The following AGBL4 variants were observed in gnomAD, a reference collection of about 807,000 sequenced individuals.
AGBL4 encodes cytosolic carboxypeptidase 6.
In AGBL4, 58 loss-of-function variants were observed where a neutral mutation model predicts 66.4. That is an observed-to-expected ratio of 0.87 (90% CI 0.71 to 1.09). The LOEUF (loss-of-function observed/expected upper bound fraction) is 1.09. AGBL4 is among the 50% of genes least tolerant of loss of function. The pLI is 0.00. For synonymous variants in AGBL4, 234 were observed against 222.9 expected (o/e 1.05, Z -0.44); for missense variants, 579 against 631.0 (o/e 0.92, Z 0.88).
chr1:49,311,628 T>A (rs1644943646), intron 3 of AGBL4, among the ~76,000 whole-genome samples: 1 of 152,082 alleles, frequency 6.6e-6, no homozygotes, highest in Non-Finnish European at 1.5e-5. Flanking sequence ...AGGCACTCCA[T>A]GTTCCTGGAT....
chr1:49,248,852 C>A lies in AGBL4; in HGVS notation c.283-2988G>T, dbSNP rs184878322. Among the ~76,000 whole-genome samples the A allele has an allele frequency of 3.3e-5, 5 of 151,672 alleles. No individual in the cohort carries two copies. In the East Asian group the frequency reaches 9.7e-4, roughly 29 times the overall value. ...CTTTCCTTCTTTCTTTTTATTTTTT[C>A]TTTAGATTTAAATTTTTAACCTGAG... On this transcript the variant is annotated intron_variant, in intron 3 of 13. Transcript: ENST00000371839.
chr1:48,791,801 G>A (rs1237450670), intron 6 of AGBL4, among the ~76,000 whole-genome samples: 1 of 152,132 alleles, frequency 6.6e-6, no homozygotes, highest in East Asian at 1.9e-4. Context: ...AGGCACTGGT[G>A]TTCATAAAAC....
At chr1:50,015,710 C>A (rs964148656) in intron 1 of AGBL4, among the ~76,000 whole-genome samples, 5 of 151,906 alleles carry the variant, frequency 3.3e-5, no homozygotes, top group African/African-American at 7.3e-5. Flanking sequence ...ACAAAAAAAA[C>A]AAAGCCAGAG....
chr1:49,495,921 T>A (rs867847496), intron 3 of AGBL4, among the ~76,000 whole-genome samples: 1 of 152,034 alleles, frequency 6.6e-6, no homozygotes, highest in African/African-American at 2.4e-5. Context: ...TATCCTTAAT[T>A]TATTCATCTG....
At chr1:48,759,014 G>C in intron 6 of AGBL4, 20 of 1,614,004 alleles carry the variant, frequency 1.2e-5, no homozygotes, top group Non-Finnish European at 1.7e-5. Context: ...TGTTGTACCA[G>C]CTGCCTCCGA....
intron 1 of AGBL4, among the ~76,000 whole-genome samples, chr1:49,990,869 T>C (rs1659890268): frequency 6.6e-6 from 1 of 152,212 alleles, no homozygotes; most frequent in South Asian, 2.1e-4. Flanking sequence ...CTTTTACTAA[T>C]GTGAATTACA....
intron 3 of AGBL4, among the ~76,000 whole-genome samples, chr1:49,502,146 T>C (rs1227298584): frequency 6.6e-6 from 1 of 152,134 alleles, no homozygotes; most frequent in Non-Finnish European, 1.5e-5. Flanking sequence ...GTCAACTTGA[T>C]TGGATTGAAG....
chr1:49,735,201 C>G (rs1649766078), intron 2 of AGBL4, among the ~76,000 whole-genome samples: 2 of 151,914 alleles, frequency 1.3e-5, no homozygotes, highest in South Asian at 2.1e-4. Context: ...GGTGTGATTA[C>G]AGTAAGACCA....
chr1:48,750,916 C>T (rs1238445576), intron 6 of AGBL4, among the ~76,000 whole-genome samples: 1 of 152,070 alleles, frequency 6.6e-6, no homozygotes, highest in Non-Finnish European at 1.5e-5. Flanking sequence ...CTCAGAGTAC[C>T]CCCTGGAGCA....
At chr1:49,562,008 T>A (rs1644060300) in intron 3 of AGBL4, among the ~76,000 whole-genome samples, 1 of 152,100 alleles carries the variant, frequency 6.6e-6, no homozygotes, top group Admixed American at 6.6e-5. Flanking sequence ...TTCTAACTGG[T>A]GTGAGATGGT....
intron 4 of AGBL4, among the ~76,000 whole-genome samples, chr1:49,190,385 A>T (rs1217290682): frequency 6.6e-6 from 1 of 152,186 alleles, no homozygotes; most frequent in Non-Finnish European, 1.5e-5. Flanking sequence ...CAAGAAAATT[A>T]TGGTTCCCTG....
At chr1:48,634,652 C>T in intron 8 of AGBL4, 48 bp from the exon 9 acceptor site, 1 of 1,358,284 alleles carries the variant, frequency 7.4e-7, no homozygotes, top group Non-Finnish European at 1.0e-6. Context: ...ATAAGCTGAG[C>T]TTCTCACCTG....
chr1:48,592,864 A>G (rs1644939467), intron 9 of AGBL4, among the ~76,000 whole-genome samples: 1 of 148,346 alleles, frequency 6.7e-6, no homozygotes, highest in South Asian at 2.2e-4. Flanking sequence ...AATTTTTTTG[A>G]AAAAAATTAA....
At chr1:49,482,764 A>G (rs1380817832) in intron 3 of AGBL4, among the ~76,000 whole-genome samples, 2 of 152,094 alleles carry the variant, frequency 1.3e-5, no homozygotes, top group Non-Finnish European at 2.9e-5. Context: ...ATTTAGTGCT[A>G]TAAATCATCC....
chr1:49,157,016 T>C (rs576724838), intron 4 of AGBL4, among the ~76,000 whole-genome samples: 6 of 152,172 alleles, frequency 3.9e-5, no homozygotes, highest in Non-Finnish European at 8.8e-5. Context: ...TTAGTTCAAG[T>C]GGGGGTTAAC....
intron 2 of AGBL4, chr1:49,842,276 C>A: frequency 2.2e-6 from 1 of 455,234 alleles, no homozygotes. Flanking sequence ...CGCCTTCAGG[C>A]TTCTGGTCTC....
intron 5 of AGBL4, among the ~76,000 whole-genome samples, chr1:49,015,352 A>T (rs530439902): frequency 6.6e-6 from 1 of 152,218 alleles, no homozygotes; most frequent in Admixed American, 6.5e-5. Context: ...AAAGTGGCAA[A>T]GTATCAATAA....
At chr1:49,034,571 G>T (rs1245801982) in intron 5 of AGBL4, among the ~76,000 whole-genome samples, 1 of 152,118 alleles carries the variant, frequency 6.6e-6, no homozygotes, top group Non-Finnish European at 1.5e-5. Flanking sequence ...ACCTGGAATT[G>T]TAGTTCCCAT....
chr1:49,737,550 G>T (rs546609939), intron 2 of AGBL4, among the ~76,000 whole-genome samples: 3 of 152,132 alleles, frequency 2.0e-5, no homozygotes, highest in Admixed American at 2.0e-4. Context: ...AGAGACAGGG[G>T]CAAGAGCTGA....
Sources: gnomAD v4.1 joint callset for allele counts (sites outside exome capture counted in the v4.1 genomes callset) on GRCh38, gnomAD v4.1.1 for gene constraint, MANE v1.5 for transcripts, NCBI Gene and HGNC (gene_info 2026-07-23, HGNC 2026-07-21) for gene names.